TXNDC16: variants seen among roughly 807,000 people sequenced by gnomAD.
TXNDC16 encodes thioredoxin domain-containing protein 16.
In TXNDC16, 74 loss-of-function variants were observed where a neutral mutation model predicts 85.6. The observed-to-expected ratio is 0.86, with a 90% CI of 0.72 to 1.05. TXNDC16 has a LOEUF of 1.05. TXNDC16 is among the 50% of genes least tolerant of loss of function. The pLI, the probability that TXNDC16 is intolerant of heterozygous loss-of-function variation, is 0.00. For synonymous variants in TXNDC16, 335 were observed against 326.5 expected (o/e 1.03, Z -0.28); for missense variants, 959 against 947.0 (o/e 1.01, Z -0.17).
intron 16 of TXNDC16, among the ~76,000 whole-genome samples, chr14:52,468,739 T>C (rs1028433154): frequency 6.6e-6 from 1 of 151,692 alleles, no homozygotes; most frequent in African/African-American, 2.4e-5. Context: ...TTAGTGGGCA[T>C]GGTGGCACAT....
rs77012862 is a variant in TXNDC16 at position 52,527,042 on chromosome 14, G to T, written c.393-7749C>A. On this transcript the variant is annotated intron_variant, in intron 6 of 20. Coordinates refer to ENST00000281741, the MANE Select transcript of TXNDC16 (RefSeq NM_020784.3). ...CCCCTTTCCATGTGCCCTGCCCCAT[G>T]CATCTTTTCATCTGTATCCTTTGCG... Among the ~76,000 whole-genome samples the T allele has an allele frequency of 9.2e-3, 1,394 of 152,290 alleles. 12 individuals are homozygous for T. Among genetic ancestry groups the T allele is most frequent in the Non-Finnish European group, 0.014 (941 of 68,004 alleles).
At chr14:52,489,586 T>C (rs1486148468) in intron 11 of TXNDC16, among the ~76,000 whole-genome samples, 1 of 152,218 alleles carries the variant, frequency 6.6e-6, no homozygotes, top group Non-Finnish European at 1.5e-5. Flanking sequence ...GTTCCAAATA[T>C]TCACAGAAAT....
At chr14:52,434,998 G>A (rs2034992989) in intron 20 of TXNDC16, among the ~76,000 whole-genome samples, 1 of 152,208 alleles carries the variant, frequency 6.6e-6, no homozygotes, top group Admixed American at 6.5e-5. Context: ...GGTTTGAGCT[G>A]AGGAATCAAA....
intron 6 of TXNDC16, among the ~76,000 whole-genome samples, chr14:52,525,497 C>G (rs992057699): frequency 4.7e-5 from 7 of 150,442 alleles, no homozygotes; most frequent in African/African-American, 1.7e-4. Context: ...TGAGAACAGC[C>G]TAACCAACAT....
intron 6 of TXNDC16, among the ~76,000 whole-genome samples, chr14:52,526,575 A>T (rs2140202809): frequency 6.6e-6 from 1 of 152,322 alleles, no homozygotes; most frequent in Admixed American, 6.5e-5. Flanking sequence ...TCCAGGAGCC[A>T]TCTGCTTCCA....
chr14:52,532,619 G>C (rs904055352), intron 6 of TXNDC16, among the ~76,000 whole-genome samples: 8 of 152,006 alleles, frequency 5.3e-5, no homozygotes, highest in Admixed American at 5.2e-4. Flanking sequence ...TGTATTTTTA[G>C]TAGAGACAGG....
chr14:52,494,293 C>T (rs1020375509), intron 9 of TXNDC16, among the ~76,000 whole-genome samples: 1 of 152,102 alleles, frequency 6.6e-6, no homozygotes, highest in Non-Finnish European at 1.5e-5. Context: ...CCTTTGGTTA[C>T]GTGACATTAC....
At position 52,465,611 on chromosome 14, in the gene TXNDC16, T is replaced by A. The variant is rs957522139; in HGVS notation, c.1618+4426A>T. Among the ~76,000 whole-genome samples, 42 of 135,032 alleles carry A rather than the reference T, an allele frequency of 3.1e-4. No individual in the cohort carries two copies. The East Asian group carries it at 5.7e-3, about 18-fold the overall frequency. The allele number at this position is 135,032 out of a possible 152,430, so 88.6% of individuals were successfully genotyped here. The stretch of plus-strand genomic sequence containing the variant: ...CATCTCAAAAAAAAAAAAAAAAAAA[T>A]TGAGGGTTTTGTTACCGACTCAAGA... On this transcript the variant is annotated intron_variant, in intron 16 of 20. Coordinates refer to ENST00000281741, the MANE Select transcript of TXNDC16 (RefSeq NM_020784.3).
intron 8 of TXNDC16, 29 bp downstream of exon 8, chr14:52,514,851 A>C: frequency 2.6e-6 from 4 of 1,535,412 alleles, no homozygotes; most frequent in Non-Finnish European, 3.5e-6. Flanking sequence ...AAAACCTTTA[A>C]ATTGTTGACA....
chr14:52,534,307 T>C (rs2037650036), intron 6 of TXNDC16, among the ~76,000 whole-genome samples: 1 of 152,192 alleles, frequency 6.6e-6, no homozygotes, highest in Non-Finnish European at 1.5e-5. Flanking sequence ...ATGACAAGCT[T>C]GTCCAACCTG....
At chr14:52,537,238 C>G (rs1467846645) in intron 5 of TXNDC16, among the ~76,000 whole-genome samples, 2 of 152,150 alleles carry the variant, frequency 1.3e-5, no homozygotes, top group African/African-American at 4.8e-5. Context: ...AACCCAAGTG[C>G]AGAGAGATTG....
At chr14:52,506,104 T>C (rs923569798) in intron 9 of TXNDC16, among the ~76,000 whole-genome samples, 8 of 152,022 alleles carry the variant, frequency 5.3e-5, no homozygotes, top group Admixed American at 3.9e-4. Flanking sequence ...CAAAAAATAG[T>C]CCAGGACCAG....
At chr14:52,464,753 G>A (rs1594700131) in intron 16 of TXNDC16, among the ~76,000 whole-genome samples, 1 of 152,056 alleles carries the variant, frequency 6.6e-6, no homozygotes, top group African/African-American at 2.4e-5. Flanking sequence ...CCAACACAGT[G>A]AAACCCTGTC....
chr14:52,452,528 G>A (rs780997438), intron 18 of TXNDC16, among the ~76,000 whole-genome samples: 4 of 152,048 alleles, frequency 2.6e-5, no homozygotes, highest in African/African-American at 7.2e-5. Context: ...AAATAAATCT[G>A]TACATCTACA....
At chr14:52,480,352 G>T (rs1428518064) in intron 14 of TXNDC16, among the ~76,000 whole-genome samples, 2 of 152,054 alleles carry the variant, frequency 1.3e-5, no homozygotes, top group Non-Finnish European at 2.9e-5. Context: ...CTCTTGCACA[G>T]CAAAAGGAAC....
intron 9 of TXNDC16, among the ~76,000 whole-genome samples, chr14:52,495,926 G>T (rs959302869): frequency 6.6e-6 from 1 of 152,074 alleles, no homozygotes; most frequent in African/African-American, 2.4e-5. Flanking sequence ...TTGGGAGGCT[G>T]AGGCAGGCGG....
At chr14:52,551,560 T>A (rs377332787) in intron 1 of TXNDC16, among the ~76,000 whole-genome samples, 4 of 152,126 alleles carry the variant, frequency 2.6e-5, no homozygotes, top group East Asian at 3.9e-4. Flanking sequence ...TAGCAATGTC[T>A]TTCACAAGGA....
At chr14:52,480,061 G>A (rs1471363873) in intron 14 of TXNDC16, among the ~76,000 whole-genome samples, 1 of 151,958 alleles carries the variant, frequency 6.6e-6, no homozygotes, top group African/African-American at 2.4e-5. Flanking sequence ...AATATAAAGT[G>A]GGGAAAGACC....
chr14:52,432,322 T>C lies in TXNDC16; in HGVS notation c.2460A>G (p.Gly820=). 6.2e-7 allele frequency: 1 copy of C among 1,612,374 alleles called. No individual in the cohort carries two copies. Among genetic ancestry groups the C allele is most frequent in the African/African-American group, 1.3e-5 (1 of 74,968 alleles). ...TATAAAATTAGTTCACTTTTGAGCA[T>C]CCTAACTCTTTATCACGTCTAAATG... ...EKSFRRDKEL[G]CSKVN Residue 820 remains glycine (G), a synonymous_variant, in exon 21 of 21, where the codon GGA becomes GGG. Transcript: ENST00000281741.
Sources: gnomAD v4.1 joint callset for allele counts (sites outside exome capture counted in the v4.1 genomes callset) on GRCh38, gnomAD v4.1.1 for gene constraint, MANE v1.5 for transcripts, NCBI Gene and HGNC (gene_info 2026-07-23, HGNC 2026-07-21) for gene names.